The following TF variants were observed in gnomAD, a reference collection of about 807,000 sequenced individuals.
TF encodes the protein transferrin.
TF carries 55 observed loss-of-function variants against 82.4 expected under a neutral mutation model. The observed-to-expected ratio is 0.67, with a 90% CI of 0.54 to 0.84. The LOEUF (loss-of-function observed/expected upper bound fraction) is 0.84. TF is among the 40% of genes least tolerant of loss of function. The probability of loss-of-function intolerance (pLI) is 0.00; values close to 1 mark genes in which losing one functional copy is unlikely to be tolerated. For synonymous variants in TF, 332 were observed against 332.6 expected, an observed-to-expected ratio of 1.00 and a Z score of 0.02; for missense variants, 737 against 868.4, an observed-to-expected ratio of 0.85 and a Z score of 1.90.
the TF span, among the ~76,000 whole-genome samples, chr3:133,734,033 A>C: frequency 6.6e-6 from 1 of 152,174 alleles, no homozygotes; most frequent in Non-Finnish European, 1.5e-5. Context: ...GCACACTGGG[A>C]CTGCGGTTTC....
At chr3:133,727,198 C>T in the TF span, among the ~76,000 whole-genome samples, 1,154 of 152,152 alleles carry the variant, frequency 7.6e-3, 15 homozygotes, top group African/African-American at 0.027. Context: ...GAGTTCAATT[C>T]CTGGGTATCC....
intron 5 of TF, 133 bp from the exon 6 acceptor site, chr3:133,756,149 T>G: frequency 1.2e-6 from 1 of 814,294 alleles, no homozygotes; most frequent in Non-Finnish European, 2.1e-6. Flanking sequence ...CTGCACACCA[T>G]GGTGTTGCTT....
chr3:133,793,378 T>C lies in TF; in HGVS notation c.*14758T>C, dbSNP rs1389393176. ...AGGCTTCCCAAAATCAAATTTCAGC[T>C]TCAAAATTGTCTTTTCTAACCTCTA... On this transcript the variant is annotated 3_prime_UTR_variant, in exon 17 of 17. Coordinates refer to ENST00000402696, the MANE Select transcript of TF (RefSeq NM_001063.4). 1 of 152,154 alleles carries C rather than the reference T, an allele frequency of 6.6e-6. No individual in the cohort carries two copies. The highest frequency in any genetic ancestry group is 1.5e-5 in the Non-Finnish European group (1 of 67,994). The allele number at this position is 152,154 out of a possible 1,614,324, so 9.4% of individuals were successfully genotyped here.
chr3:133,779,992 T>C lies in TF; in HGVS notation c.*1372T>C, dbSNP rs1045882554. 6.6e-6 allele frequency: 1 copy of C among 152,216 alleles called. No homozygotes were observed. Among genetic ancestry groups the C allele is most frequent in the African/African-American group, 2.4e-5 (1 of 41,450 alleles). 9.4% of individuals were successfully genotyped at this position (152,216 alleles called of 1,614,324 possible). ...CCAGCGTCACCAAGTTCTGTTGATT[T>C]TGCTTTCTAAATAACTTCAGTTGGC... On this transcript the variant is annotated 3_prime_UTR_variant, in exon 17 of 17. Transcript: ENST00000402696.
At chr3:133,750,409 G>C (rs1933626986) in intron 2 of TF, among the ~76,000 whole-genome samples, 1 of 152,056 alleles carries the variant, frequency 6.6e-6, no homozygotes, top group Admixed American at 6.6e-5. Context: ...AAAGGTGGAA[G>C]AAACATCCAG....
the TF span, among the ~76,000 whole-genome samples, chr3:133,666,526 G>A: frequency 6.6e-6 from 1 of 152,164 alleles, no homozygotes; most frequent in African/African-American, 2.4e-5. Context: ...TACAGAAATA[G>A]TCTGATTAGC....
In TF at chr3:133,790,650, G is replaced by A. The variant is rs1005905859; in HGVS notation, c.*12030G>A. On this transcript the variant is annotated 3_prime_UTR_variant, in exon 17 of 17. Coordinates refer to ENST00000402696, the MANE Select transcript of TF (RefSeq NM_001063.4). Reference sequence around the variant, plus strand: ...AATAAGCATTGTAAAGAAATGCATCGGCAGTTTGGCAATTCCTTTTTACTA... The same window carrying A: ...AATAAGCATTGTAAAGAAATGCATCAGCAGTTTGGCAATTCCTTTTTACTA... 12 of 152,164 alleles carry A rather than the reference G, an allele frequency of 7.9e-5. No homozygotes were observed. Among genetic ancestry groups the A allele is most frequent in the South Asian group, 2.1e-4 (1 of 4,828 alleles). 9.4% of individuals were successfully genotyped at this position (152,164 alleles called of 1,614,324 possible). A position where few individuals can be genotyped will look rare whatever the true frequency, so the allele number is the denominator to read the frequency against.
Position 133,788,447 on chromosome 3 carries a change from TCA to T in TF, c.*9828_*9829del, listed in dbSNP as rs2107949222. 1 of 152,372 alleles carries T rather than the reference TCA, an allele frequency of 6.6e-6. No individual in the cohort carries two copies. The highest frequency in any genetic ancestry group is 1.9e-4 in the East Asian group (1 of 5,190). The allele number at this position is 152,372 out of a possible 1,614,324, so 9.4% of individuals were successfully genotyped here. Reference sequence around the variant, plus strand: ...TTCTCCCACCCTGTGGAGCGTACTTTCATTTCATAAATCTCTGCTTTTGTTGT... The same window carrying T: ...TTCTCCCACCCTGTGGAGCGTACTTTTTTCATAAATCTCTGCTTTTGTTGT... On this transcript the variant is annotated 3_prime_UTR_variant, in exon 17 of 17. Transcript: ENST00000402696.
intron 14 of TF, among the ~76,000 whole-genome samples, chr3:133,771,884 G>T (rs1034941960): frequency 1.3e-5 from 2 of 151,854 alleles, no homozygotes; most frequent in African/African-American, 4.8e-5. Flanking sequence ...TGACCCCTCA[G>T]TATCACTAAG....
upstream of TF, among the ~76,000 whole-genome samples, chr3:133,744,619 G>A (rs561707191): frequency 1.5e-4 from 23 of 152,270 alleles, no homozygotes; most frequent in East Asian, 1.7e-3. Context: ...GCCCGTGGAC[G>A]GGCAAGGGGG....
At chr3:133,692,946 G>A in the TF span, 742 of 153,064 alleles carry the variant, frequency 4.8e-3, 15 homozygotes, top group East Asian at 0.032. Flanking sequence ...TGAGCCAGCT[G>A]GGGCTGGGTG....
the TF span, among the ~76,000 whole-genome samples, chr3:133,740,252 A>G: frequency 1.3e-5 from 2 of 152,130 alleles, no homozygotes; most frequent in African/African-American, 4.8e-5. Context: ...CAAATACCAC[A>G]TGTTCTCACT....
At chr3:133,727,590 G>A in the TF span, among the ~76,000 whole-genome samples, 1 of 107,138 alleles carries the variant, frequency 9.3e-6, no homozygotes, top group South Asian at 3.7e-4. Context: ...GCACACTGAT[G>A]GGTCTTGACT....
chr3:133,706,897 T>C, the TF span, among the ~76,000 whole-genome samples: 3 of 152,216 alleles, frequency 2.0e-5, 1 homozygote, highest in African/African-American at 7.2e-5. Context: ...GGATATGCTG[T>C]ACCTCATCCC....
chr3:133,759,401 G>A (rs1448257309), intron 9 of TF, 72 bp downstream of exon 9: 2 of 1,589,522 alleles, frequency 1.3e-6, no homozygotes, highest in Admixed American at 3.3e-5. Flanking sequence ...ACTGAGCTAG[G>A]GAGTGTTCCT....
chr3:133,716,952 G>C, the TF span, among the ~76,000 whole-genome samples: 1 of 152,162 alleles, frequency 6.6e-6, no homozygotes, highest in Non-Finnish European at 1.5e-5. Flanking sequence ...GTCTTCCTCA[G>C]ATCATCATGG....
the TF span, among the ~76,000 whole-genome samples, chr3:133,711,925 C>T: frequency 6.6e-6 from 1 of 152,038 alleles, no homozygotes. Flanking sequence ...GTGCCTCCAC[C>T]CCACCCCAAC....
Position 133,796,166 on chromosome 3 carries a change from T to C in TF, c.*17546T>C, listed in dbSNP as rs890991146. On this transcript the variant is annotated 3_prime_UTR_variant, in exon 17 of 17. Transcript: ENST00000402696. ...AAGACCATCAAGCTTCAGATGATCA[T>C]GCAACAAAAGTTTCATCCAGTTCCA... The C allele has an allele frequency of 6.5e-6, 1 of 153,530 alleles. No individual in the cohort carries two copies. Among genetic ancestry groups the C allele is most frequent in the Non-Finnish European group, 1.5e-5 (1 of 68,100 alleles). 9.5% of individuals were successfully genotyped at this position (153,530 alleles called of 1,614,324 possible).
In TF at chr3:133,756,851, G is replaced by A; in HGVS notation, c.712G>A (p.Asp238Asn). ...CCCAGAGAACTTGGCAAACAAGGCTGACAGGGACCAGTATGAGCTGCTTTG... is the reference window on the plus strand; with the variant it reads ...CCCAGAGAACTTGGCAAACAAGGCTAACAGGGACCAGTATGAGCTGCTTTG... Reference protein sequence around the residue: ...TIFENLANKADRDQYELLCLD... With the variant: ...TIFENLANKANRDQYELLCLD... Residue 238 changes from aspartate (D) to asparagine (N), a missense_variant, in exon 7 of 17, where the codon GAC becomes AAC. Physicochemically the swap from Asp to Asn is conservative, Grantham distance 23 (BLOSUM62 1). Coordinates refer to ENST00000402696, the MANE Select transcript of TF (RefSeq NM_001063.4). 6.2e-7 allele frequency: 1 copy of A among 1,614,230 alleles called. No individual in the cohort carries two copies. The highest frequency in any genetic ancestry group is 8.5e-7 in the Non-Finnish European group (1 of 1,180,048).
Sources: allele counts gnomAD v4.1 joint callset (sites outside exome capture counted in the v4.1 genomes callset), GRCh38; gene constraint gnomAD v4.1.1; transcripts MANE v1.5; gene names NCBI Gene and HGNC (gene_info 2026-07-23, HGNC 2026-07-21).